Variants in ELMO1 observed in about 807,000 individuals in gnomAD.
ELMO1 encodes engulfment and cell motility protein 1.
In ELMO1, 26 loss-of-function variants were observed where a neutral mutation model predicts 98.9. The ratio of observed to expected loss-of-function variants is 0.26; its 90% CI spans 0.19 to 0.36. The LOEUF is 0.36. ELMO1 is among the 10% of genes least tolerant of loss of function. ELMO1 has a pLI of 1.00. For synonymous variants in ELMO1, 346 were observed against 346.0 expected, an observed-to-expected ratio of 1.00 and a Z score of 0.00; for missense variants, 627 against 935.2, an observed-to-expected ratio of 0.67 and a Z score of 4.30.
chr7:37,187,959 G>T (rs2130098142), intron 13 of ELMO1, among the ~76,000 whole-genome samples: 1 of 152,142 alleles, frequency 6.6e-6, no homozygotes, highest in Non-Finnish European at 1.5e-5. Context: ...GTTAGTCAAT[G>T]CCAGTAGGTT....
intron 4 of ELMO1, among the ~76,000 whole-genome samples, chr7:37,311,675 G>A (rs1417337086): frequency 2.0e-5 from 3 of 152,194 alleles, no homozygotes; most frequent in Admixed American, 1.3e-4. Context: ...GCTGAGCTCC[G>A]TGACACATGC....
At chr7:37,221,880 T>C (rs1793618021) in intron 10 of ELMO1, among the ~76,000 whole-genome samples, 2 of 152,090 alleles carry the variant, frequency 1.3e-5, no homozygotes, top group Admixed American at 1.3e-4. Flanking sequence ...GTATATTTAG[T>C]AGAGATGGGG....
chr7:37,195,346 G>A (rs1420193928), intron 13 of ELMO1, among the ~76,000 whole-genome samples: 1 of 152,206 alleles, frequency 6.6e-6, no homozygotes, highest in East Asian at 1.9e-4. Flanking sequence ...ATAAATGTTG[G>A]TTGCACGAAC....
rs562707260 is a variant in ELMO1, at chr7:37,318,523, T to C, written c.79-2563A>G. On this transcript the variant is annotated intron_variant, in intron 2 of 21. Coordinates refer to ENST00000310758, the MANE Select transcript of ELMO1 (RefSeq NM_014800.11). ...TGGATTTTAATTCAGGTCTGATTCA[T>C]AGATAGAGAATCAAGTTTTAAAAGA... Among the ~76,000 whole-genome samples the C allele has an allele frequency of 3.8e-4, 58 of 152,294 alleles. 1 individual carries two copies. The highest frequency in any genetic ancestry group is 1.3e-3 in the African/African-American group (52 of 41,562).
intron 4 of ELMO1, among the ~76,000 whole-genome samples, chr7:37,306,785 A>G (rs754137473): frequency 6.6e-6 from 1 of 152,178 alleles, no homozygotes; most frequent in Non-Finnish European, 1.5e-5. Flanking sequence ...AATAAAAACC[A>G]TTGCATTGTA....
intron 15 of ELMO1, among the ~76,000 whole-genome samples, chr7:37,028,456 T>A (rs755910743): frequency 2.0e-5 from 3 of 152,318 alleles, no homozygotes; most frequent in Non-Finnish European, 2.9e-5. Flanking sequence ...TTCCAATTTA[T>A]CCATGGCAGA....
At chr7:37,294,831 C>G (rs1203408415) in intron 4 of ELMO1, among the ~76,000 whole-genome samples, 2 of 152,084 alleles carry the variant, frequency 1.3e-5, no homozygotes, top group Non-Finnish European at 2.9e-5. Context: ...GAAACCCCTT[C>G]TCTACTACAA....
Position 37,138,011 on chromosome 7 carries a change from T to C in ELMO1, c.1087-4777A>G, listed in dbSNP as rs564478944. Among the ~76,000 whole-genome samples the C allele has an allele frequency of 2.7e-3, 410 of 152,176 alleles. 2 individuals carry two copies. In the Middle Eastern group the frequency reaches 0.034, roughly 13 times the overall value. On this transcript the variant is annotated intron_variant, in intron 13 of 21. Coordinates refer to ENST00000310758, the MANE Select transcript of ELMO1 (RefSeq NM_014800.11). ...GTCAACAGAGAAATCAAGATGGAAA[T>C]TAAAAAAATATTTGAACTGAATGAT...
chr7:37,449,297 A>G (rs560508507), upstream of ELMO1: 2 of 152,196 alleles, frequency 1.3e-5, no homozygotes, highest in Non-Finnish European at 2.9e-5. Flanking sequence ...AAAAGCGAGT[A>G]GCATCTTTTC....
intron 15 of ELMO1, among the ~76,000 whole-genome samples, chr7:37,020,556 C>T (rs1283111546): frequency 4.6e-5 from 7 of 152,064 alleles, no homozygotes; most frequent in Non-Finnish European, 7.3e-5. Flanking sequence ...GATAAGACGA[C>T]GGGAAAATGC....
intron 16 of ELMO1, among the ~76,000 whole-genome samples, chr7:36,930,997 C>T (rs1785992328): frequency 6.6e-6 from 1 of 152,152 alleles, no homozygotes; most frequent in South Asian, 2.1e-4. Context: ...TTCTTTCTTT[C>T]CTATTACACT....
At chr7:37,225,366 T>C (rs1793808400) in intron 8 of ELMO1, among the ~76,000 whole-genome samples, 1 of 152,252 alleles carries the variant, frequency 6.6e-6, no homozygotes. Context: ...ATTGTAAGGA[T>C]ACCTGTGTTT....
chr7:37,182,313 A>G (rs956222174), intron 13 of ELMO1, among the ~76,000 whole-genome samples: 2 of 152,206 alleles, frequency 1.3e-5, no homozygotes, highest in Admixed American at 1.3e-4. Context: ...ACTCAGTGTA[A>G]CAATCACAAT....
Position 37,438,737 on chromosome 7 carries a change from T to C in ELMO1, c.-74+9938A>G, listed in dbSNP as rs1445200399. Among the ~76,000 whole-genome samples, 5 of 152,230 alleles carry C rather than the reference T, an allele frequency of 3.3e-5. No individual in the cohort carries two copies. In the East Asian group the frequency reaches 5.8e-4, roughly 18 times the overall value. On this transcript the variant is annotated intron_variant, in intron 1 of 21. Coordinates refer to ENST00000310758, the MANE Select transcript of ELMO1 (RefSeq NM_014800.11). The stretch of plus-strand genomic sequence containing the variant: ...AGCTACTCGAAGAGGTGGGGACTTA[T>C]ATTACCTACACTTGAAAGATGTGAA...
At chr7:37,137,830 C>T (rs1440470821) in intron 13 of ELMO1, among the ~76,000 whole-genome samples, 2 of 152,148 alleles carry the variant, frequency 1.3e-5, no homozygotes, top group Non-Finnish European at 2.9e-5. Context: ...AGCCACTGTG[C>T]CTGGCCCAAG....
chr7:37,183,909 C>T (rs1030543474), intron 13 of ELMO1, among the ~76,000 whole-genome samples: 1 of 152,148 alleles, frequency 6.6e-6, no homozygotes, highest in African/African-American at 2.4e-5. Flanking sequence ...CATACAACTT[C>T]AGAAATTTTA....
At chr7:37,372,543 T>C (rs4723646) in intron 1 of ELMO1, among the ~76,000 whole-genome samples, 26,839 of 152,194 alleles carry the variant, frequency 0.18, 3,023 homozygotes, top group East Asian at 0.59. Context: ...ATTTATCTTT[T>C]TATCCCTCCT....
At chr7:36,968,498 C>T (rs535393508) in intron 16 of ELMO1, among the ~76,000 whole-genome samples, 3 of 152,102 alleles carry the variant, frequency 2.0e-5, no homozygotes, top group Admixed American at 6.5e-5. Context: ...TGCAGGCATG[C>T]GTGTCTGGGT....
At chr7:37,191,535 CAT>C (rs1441854600) in intron 13 of ELMO1, among the ~76,000 whole-genome samples, 1 of 152,148 alleles carries the variant, frequency 6.6e-6, no homozygotes, top group Non-Finnish European at 1.5e-5. Flanking sequence ...CAGTTACTCA[CAT>C]ATGTTCATGG....
Sources: allele counts gnomAD v4.1 joint callset (sites outside exome capture counted in the v4.1 genomes callset), GRCh38; gene constraint gnomAD v4.1.1; transcripts MANE v1.5; gene names NCBI Gene and HGNC (gene_info 2026-07-23, HGNC 2026-07-21).